The following DACH2 variants were observed in gnomAD, a reference collection of about 807,000 sequenced individuals.
The protein encoded by DACH2 is dachshund family transcription factor 2.
A neutral mutation model predicts 35.8 loss-of-function variants in DACH2; 17 were observed. The ratio of observed to expected loss-of-function variants is 0.48; its 90% CI spans 0.33 to 0.71. DACH2 has a LOEUF of 0.71. Ranked by LOEUF, DACH2 falls within the 30% of genes least tolerant of loss-of-function variation. The pLI is 0.02. For missense variants in DACH2, 469 were observed against 472.7 expected (o/e 0.99, Z 0.07); for synonymous variants, 195 against 177.3 (o/e 1.10, Z -0.79).
intron 2 of DACH2, among the ~76,000 whole-genome samples, chrX:86,424,465 T>A (rs1452521563): frequency 9.0e-6 from 1 of 111,482 alleles, no homozygotes; most frequent in Non-Finnish European, 1.9e-5. Context: ...ATTACTTTTT[T>A]ATTTTTTTCA....
rs1190770461 is a variant in DACH2 at position 86,832,469 on chromosome X, T to C, written c.*314T>C. 1 of 227,170 alleles carries C rather than the reference T, an allele frequency of 4.4e-6. No individual in the cohort carries two copies. The highest frequency in any genetic ancestry group is 7.2e-5 in the Admixed American group (1 of 13,957). The allele number at this position is 227,170 out of a possible 1,213,427, so 18.7% of individuals were successfully genotyped here. On this transcript the variant is annotated 3_prime_UTR_variant, in exon 12 of 12. Transcript: ENST00000373125. ...TTTTGTCTTTTAAATTTTTAAAAAA[T>C]GCAGTAGTGTGTTAGAGACTAGAAA...
chrX:86,360,480 A>G (rs1031002242), intron 1 of DACH2, among the ~76,000 whole-genome samples: 1 of 111,940 alleles, frequency 8.9e-6, no homozygotes, highest in Non-Finnish European at 1.9e-5. Context: ...CCCCAAGAAA[A>G]TAAGGTCATT....
At position 86,657,959 on chromosome X, in the gene DACH2, C is replaced by A. The variant is rs184765389; in HGVS notation, c.772+6792C>A. On this transcript the variant is annotated intron_variant, in intron 4 of 11. Coordinates refer to ENST00000373125, the MANE Select transcript of DACH2 (RefSeq NM_053281.3). Reference sequence around the variant, plus strand: ...CTTTTTATTCTAGCCCCCCATTACCCATTGATTCTTGCCATTTAATTGTGG... The same window carrying A: ...CTTTTTATTCTAGCCCCCCATTACCAATTGATTCTTGCCATTTAATTGTGG... Among the ~76,000 whole-genome samples the A allele has an allele frequency of 1.6e-3, 179 of 111,601 alleles. 1 individual carries two copies. Among genetic ancestry groups the A allele is most frequent in the African/African-American group, 5.6e-3 (173 of 30,858 alleles).
intron 1 of DACH2, among the ~76,000 whole-genome samples, chrX:86,275,980 C>T (rs865842041): frequency 1.5e-4 from 17 of 111,990 alleles, no homozygotes; most frequent in African/African-American, 2.3e-4. Flanking sequence ...AGGTTGATTC[C>T]GAAAATTAGC....
At chrX:86,377,113 A>G (rs1309931996) in intron 2 of DACH2, among the ~76,000 whole-genome samples, 1 of 111,553 alleles carries the variant, frequency 9.0e-6, no homozygotes, top group Admixed American at 9.5e-5. Context: ...AGTTAGAGAA[A>G]GGCTGCAAGG....
At chrX:86,256,016 A>G (rs1039020214) in intron 1 of DACH2, among the ~76,000 whole-genome samples, 1 of 111,242 alleles carries the variant, frequency 9.0e-6, no homozygotes. Flanking sequence ...AATGAGCACC[A>G]CATTTTTCTT....
rs73631922 is a variant in DACH2 at position 86,305,683 on chromosome X, G to T, written c.489-71141G>T. ...TATTTATAAACAATGCGTCTGACAA[G>T]GGGTCGATATCAGGAATATATATAA... On this transcript the variant is annotated intron_variant, in intron 1 of 11. Coordinates refer to ENST00000373125, the MANE Select transcript of DACH2 (RefSeq NM_053281.3). 3.1e-3 allele frequency among the ~76,000 whole-genome samples: 339 copies of T among 110,860 alleles called. 1 individual carries two copies. Among genetic ancestry groups the T allele is most frequent in the African/African-American group, 0.011 (322 of 30,557 alleles).
chrX:86,358,157 G>A (rs1489257741), intron 1 of DACH2, among the ~76,000 whole-genome samples: 1 of 111,303 alleles, frequency 9.0e-6, no homozygotes, highest in East Asian at 2.9e-4. Flanking sequence ...AAGCTCAAGA[G>A]TAGTCCACTA....
intron 1 of DACH2, among the ~76,000 whole-genome samples, chrX:86,314,233 T>A (rs1350740544): frequency 1.8e-5 from 2 of 111,337 alleles, no homozygotes; most frequent in Non-Finnish European, 3.8e-5. Context: ...AAGCTAGAAA[T>A]GGGCCAGGTG....
At chrX:86,796,344 C>A (rs4614156) in intron 7 of DACH2, among the ~76,000 whole-genome samples, 2 of 110,222 alleles carry the variant, frequency 1.8e-5, no homozygotes, top group Non-Finnish European at 3.8e-5. Flanking sequence ...CAGAGCGCTC[C>A]TTGGTGTGTT....
intron 2 of DACH2, among the ~76,000 whole-genome samples, chrX:86,437,656 A>G (rs1012396427): frequency 2.7e-5 from 3 of 111,261 alleles, no homozygotes; most frequent in African/African-American, 6.5e-5. Context: ...GTGTATATAT[A>G]CCATACTTTC....
At chrX:86,798,674 G>C in intron 7 of DACH2, 1 of 124,799 alleles carries the variant, frequency 8.0e-6, no homozygotes, top group Non-Finnish European at 1.7e-5. Context: ...ACTGGAATTG[G>C]CTCTGGCAAG....
At chrX:86,355,338 T>G (rs1357638073) in intron 1 of DACH2, among the ~76,000 whole-genome samples, 1 of 111,885 alleles carries the variant, frequency 8.9e-6, no homozygotes, top group Non-Finnish European at 1.9e-5. Context: ...TATATGTCTT[T>G]ATGGTAGAAT....
intron 2 of DACH2, chrX:86,481,502 C>A (rs776220963): frequency 1.8e-5 from 2 of 112,019 alleles, no homozygotes; most frequent in East Asian, 2.8e-4. Flanking sequence ...CATTTAAATT[C>A]TCTAGTTGTT....
At chrX:86,314,353 C>T (rs1189129962) in intron 1 of DACH2, among the ~76,000 whole-genome samples, 1 of 110,422 alleles carries the variant, frequency 9.1e-6, no homozygotes, top group Non-Finnish European at 1.9e-5. Flanking sequence ...CTCATCTCTA[C>T]AAAAAAATTA....
At chrX:86,160,466 T>C (rs1319812652) in intron 1 of DACH2, 13 of 533,781 alleles carry the variant, frequency 2.4e-5, no homozygotes, top group Middle Eastern at 5.3e-4. Flanking sequence ...TTCCAGCTTC[T>C]TACCAGAACG....
intron 2 of DACH2, among the ~76,000 whole-genome samples, chrX:86,432,308 T>A (rs1731557120): frequency 8.9e-6 from 1 of 112,420 alleles, no homozygotes; most frequent in Non-Finnish European, 1.9e-5. Flanking sequence ...CATTTTCCCA[T>A]GATATTGTTA....
chrX:86,188,743 C>G (rs888548114), intron 1 of DACH2, among the ~76,000 whole-genome samples: 1 of 111,895 alleles, frequency 8.9e-6, no homozygotes, highest in Non-Finnish European at 1.9e-5. Context: ...GAGAAGGACT[C>G]TACAAACTGA....
chrX:86,179,846 G>A (rs996121422), intron 1 of DACH2, among the ~76,000 whole-genome samples: 4 of 109,941 alleles, frequency 3.6e-5, no homozygotes, highest in African/African-American at 1.3e-4. Context: ...ATTGCTTAAC[G>A]AAAAGCAGTC....
Sources: allele counts gnomAD v4.1 joint callset (sites outside exome capture counted in the v4.1 genomes callset), GRCh38; gene constraint gnomAD v4.1.1; transcripts MANE v1.5; gene names NCBI Gene and HGNC (gene_info 2026-07-23, HGNC 2026-07-21).